The following SGK3 variants were observed in gnomAD, a reference collection of about 807,000 sequenced individuals.
SGK3 encodes serum/glucocorticoid regulated kinase family member 3.
A neutral mutation model predicts 68.5 loss-of-function variants in SGK3; 47 were observed. The ratio of observed to expected loss-of-function variants is 0.69; its 90% confidence interval spans 0.54 to 0.87. SGK3 has a LOEUF of 0.87. SGK3 is among the 40% of genes least tolerant of loss of function. SGK3 has a pLI of 0.00. For missense variants in SGK3, 479 were observed against 575.5 expected, an observed-to-expected ratio of 0.83 and a Z score of 1.72; for synonymous variants, 181 against 189.1, an observed-to-expected ratio of 0.96 and a Z score of 0.35.
intron 1 of SGK3, among the ~76,000 whole-genome samples, chr8:66,754,747 A>C (rs1015614671): frequency 3.3e-5 from 5 of 152,216 alleles, no homozygotes; most frequent in African/African-American, 9.6e-5. Context: ...GGACAATCTC[A>C]TCACCTATGT....
chr8:66,780,943 G>T (rs566127466), intron 1 of SGK3, among the ~76,000 whole-genome samples: 2 of 152,288 alleles, frequency 1.3e-5, no homozygotes, highest in South Asian at 4.1e-4. Flanking sequence ...TATGAGACAT[G>T]ATGGTGATTT....
chr8:66,756,606 G>T lies in SGK3; in HGVS notation c.-121-37010G>T, dbSNP rs960385035. The stretch of plus-strand genomic sequence containing the variant: ...TTTTTTTTTTTTTTTTTGAGACAGG[G>T]TCTCACATTGTCACTCATGCTGGAG... On this transcript the variant is annotated intron_variant, in intron 1 of 16. Transcript: ENST00000521198. Among the ~76,000 whole-genome samples, 15 of 135,664 alleles carry T rather than the reference G, an allele frequency of 1.1e-4. No individual in the cohort carries two copies. In the East Asian group the frequency reaches 2.7e-3, roughly 24 times the overall value. 89.0% of individuals were successfully genotyped at this position (135,664 alleles called of 152,430 possible). A position where few individuals can be genotyped will look rare whatever the true frequency, so the allele number is the denominator to read the frequency against.
chr8:66,840,357 A>T (rs1175540486), intron 12 of SGK3, 110 bp downstream of exon 12: 3 of 1,099,474 alleles, frequency 2.7e-6, no homozygotes, highest in Non-Finnish European at 3.8e-6. Context: ...TATTTATATA[A>T]CATTCTCAAA....
At chr8:66,761,083 T>C (rs987124444) in intron 1 of SGK3, among the ~76,000 whole-genome samples, 2 of 152,158 alleles carry the variant, frequency 1.3e-5, no homozygotes, top group African/African-American at 2.4e-5. Context: ...TCTTTACTGC[T>C]TTATCAAGGA....
rs572252079 is a variant in SGK3 at position 66,836,134 on chromosome 8, G to C, written c.741+60G>C. The C allele has an allele frequency of 3.7e-3, 5,722 of 1,555,886 alleles. 14 individuals carry two copies. The highest frequency in any genetic ancestry group is 4.3e-3 in the Non-Finnish European group (5,012 of 1,156,252). ...TTTAGAAAAATAGCATAAAGTCAAA[G>C]TTTTTCTTGTAAGTTTTAGAAGGAC... On this transcript the variant is annotated intron_variant, in intron 10 of 16. Transcript: ENST00000521198.
chr8:66,740,736 G>A (rs1421737732), intron 1 of SGK3, among the ~76,000 whole-genome samples: 8 of 151,934 alleles, frequency 5.3e-5, no homozygotes, highest in South Asian at 2.1e-4. Context: ...GCGAAACCCT[G>A]TCTCTACTGA....
chr8:66,773,482 A>G (rs1209563077), intron 1 of SGK3, among the ~76,000 whole-genome samples: 4 of 152,192 alleles, frequency 2.6e-5, no homozygotes, highest in Non-Finnish European at 5.9e-5. Context: ...CATCTAAACT[A>G]TGTTTTTTCC....
chr8:66,717,179 TG>T (rs1256911897), intron 1 of SGK3, among the ~76,000 whole-genome samples: 2 of 137,552 alleles, frequency 1.5e-5, no homozygotes, highest in East Asian at 4.3e-4. Flanking sequence ...CACTCTAGCC[TG>T]GGCAACAAGA....
chr8:66,724,918 C>T (rs1408230642), intron 1 of SGK3, among the ~76,000 whole-genome samples: 1 of 152,024 alleles, frequency 6.6e-6, no homozygotes, highest in East Asian at 1.9e-4. Flanking sequence ...ATGACGAAAC[C>T]CCGTCTCTAC....
intron 14 of SGK3, among the ~76,000 whole-genome samples, chr8:66,843,926 A>C (rs564350983): frequency 3.5e-5 from 5 of 141,922 alleles, no homozygotes; most frequent in Admixed American, 7.4e-5. Flanking sequence ...CCCAGGAGGC[A>C]GAGTTTGCAG....
intron 1 of SGK3, chr8:66,775,249 G>C (rs571040951): frequency 6.6e-6 from 1 of 152,588 alleles, no homozygotes; most frequent in East Asian, 1.9e-4. Flanking sequence ...CGCGGCGCAG[G>C]TCCCGGCCGA....
chr8:66,838,241 T>C (rs982272344), intron 10 of SGK3, among the ~76,000 whole-genome samples: 4 of 152,114 alleles, frequency 2.6e-5, no homozygotes, highest in African/African-American at 9.7e-5. Context: ...AATTTTTGTA[T>C]TTTTAGTAGA....
At chr8:66,841,195 A>G (rs1466194941) in intron 13 of SGK3, 85 bp downstream of exon 13, 6 of 1,108,098 alleles carry the variant, frequency 5.4e-6, no homozygotes, top group Non-Finnish European at 7.2e-6. Flanking sequence ...AATTTAAAAT[A>G]AGAAAAGTAG....
rs146907193 is a variant in SGK3, at chr8:66,813,070, A to T, written c.254-783A>T. Among the ~76,000 whole-genome samples, 427 of 152,228 alleles carry T rather than the reference A, an allele frequency of 2.8e-3. 3 individuals are homozygous for T. Among genetic ancestry groups the T allele is most frequent in the Middle Eastern group, 0.014 (4 of 294 alleles). On this transcript the variant is annotated intron_variant, in intron 4 of 16. Transcript: ENST00000521198. ...GGAGTTCAAGATGAGCCTGGGCAAC[A>T]TAGTGAGACCCTGTCTCTACAAAAA...
chr8:66,847,345 C>T lies in SGK3; in HGVS notation c.1227C>T (p.Asp409=). The T allele has an allele frequency of 6.2e-7, 1 of 1,612,560 alleles. No homozygotes were observed. The highest frequency in any genetic ancestry group is 8.5e-7 in the Non-Finnish European group (1 of 1,179,590). The stretch of plus-strand genomic sequence containing the variant: ...AAAATCGACTTGGTGCCAAGGAAGA[C>T]TTTGTATGTAACAGCTTTTCTAGCT... The part of the protein sequence containing the change: ...DRQNRLGAKE[D]FLEIQNHPFF... Residue 409 remains aspartate, a synonymous_variant, in exon 15 of 17, where the codon GAC becomes GAT. Transcript: ENST00000521198.
rs535166046 is a variant in SGK3, at chr8:66,713,007, C to T, written c.-122+174C>T. On this transcript the variant is annotated intron_variant, in intron 1 of 16. Coordinates refer to ENST00000521198, the MANE Select transcript of SGK3 (RefSeq NM_001033578.3). Reference sequence around the variant, plus strand: ...CCGGAGAGTTTGTGGTCTTTGTTTCCACGAGGTGAATTCAGATCCTGCCTC... The same window carrying T: ...CCGGAGAGTTTGTGGTCTTTGTTTCTACGAGGTGAATTCAGATCCTGCCTC... Among the ~76,000 whole-genome samples the T allele has an allele frequency of 7.2e-4, 110 of 152,302 alleles. 1 individual carries two copies. The East Asian group carries it at 0.02, about 27-fold the overall frequency.
At chr8:66,826,164 G>T (rs922733873) in intron 6 of SGK3, among the ~76,000 whole-genome samples, 4 of 152,018 alleles carry the variant, frequency 2.6e-5, no homozygotes, top group Non-Finnish European at 5.9e-5. Context: ...GTAGAGACGG[G>T]GTTTCACCAT....
In SGK3 at chr8:66,816,884, G is replaced by T. The variant is rs180936147; in HGVS notation, c.329+2956G>T. Among the ~76,000 whole-genome samples the T allele has an allele frequency of 1.5e-3, 235 of 152,250 alleles. 1 individual carries two copies. The highest frequency in any genetic ancestry group is 5.5e-3 in the African/African-American group (229 of 41,572). ...CTCGCTCTATCGCCTAGGCTGGAGT[G>T]CAGTGGCGTGATCTCGGCTCACTGC... On this transcript the variant is annotated intron_variant, in intron 5 of 16. Transcript: ENST00000521198.
At chr8:66,855,257 T>C (rs1810465528) in intron 16 of SGK3, among the ~76,000 whole-genome samples, 1 of 152,132 alleles carries the variant, frequency 6.6e-6, no homozygotes, top group Non-Finnish European at 1.5e-5. Flanking sequence ...GGCTGGAGTA[T>C]AGTGGTGCAA....
Sources: allele counts gnomAD v4.1 joint callset (sites outside exome capture counted in the v4.1 genomes callset), GRCh38; gene constraint gnomAD v4.1.1; transcripts MANE v1.5; gene names NCBI Gene and HGNC (gene_info 2026-07-23, HGNC 2026-07-21).